The following ATP8A1 variants were observed in gnomAD, a reference collection of about 807,000 sequenced individuals.
ATP8A1 encodes ATPase phospholipid transporting 8A1.
Under a neutral mutation model 177.7 loss-of-function variants are expected in ATP8A1, and 90 were observed. That is an observed-to-expected ratio of 0.51 (90% CI 0.43 to 0.60). ATP8A1 has a LOEUF of 0.60. ATP8A1 is among the 20% of genes least tolerant of loss of function. The pLI, the probability that ATP8A1 is intolerant of heterozygous loss-of-function variation, is 0.00. For synonymous variants in ATP8A1, 493 were observed against 485.9 expected (o/e 1.01, Z -0.19); for missense variants, 1,072 against 1,392.8 (o/e 0.77, Z 3.67).
intron 1 of ATP8A1, among the ~76,000 whole-genome samples, chr4:42,631,813 C>T (rs1326673573): frequency 6.6e-6 from 1 of 152,180 alleles, no homozygotes; most frequent in Non-Finnish European, 1.5e-5. Context: ...TTGCAGGTGA[C>T]TTTGCTCCTG....
chr4:42,571,719 T>A (rs1231195612), intron 14 of ATP8A1, among the ~76,000 whole-genome samples: 1 of 152,196 alleles, frequency 6.6e-6, no homozygotes, highest in Non-Finnish European at 1.5e-5. Flanking sequence ...TACATTTTAC[T>A]GTAATTGTCC....
Position 42,569,163 on chromosome 4 carries a change from T to C in ATP8A1, c.1338A>G (p.Glu446=), listed in dbSNP as rs1182746422. The part of the protein sequence containing the change: ...EPEDYGCSPD[E]WQNSQFGDEK... ...GCAGAAAGTTCCATAGAGCTTACCA[T>C]TCATCAGGAGAGCAGCCATAATCCT... Residue 446 remains glutamate, a splice_region_variant and synonymous_variant, in exon 15 of 37, where the codon GAA becomes GAG. Coordinates refer to ENST00000381668, the MANE Select transcript of ATP8A1 (RefSeq NM_006095.2). 5.0e-6 allele frequency: 8 copies of C among 1,604,182 alleles called. No homozygotes were observed. In the Admixed American group the frequency reaches 6.8e-5, roughly 14 times the overall value.
At chr4:42,565,591 C>T (rs537651861) in intron 15 of ATP8A1, among the ~76,000 whole-genome samples, 1 of 152,300 alleles carries the variant, frequency 6.6e-6, no homozygotes, top group East Asian at 1.9e-4. Context: ...CTAGCATTTA[C>T]TTGAACGATT....
In ATP8A1 at chr4:42,412,802, TC is replaced by T. The variant is rs1712768654; in HGVS notation, c.*113del. 4 of 791,736 alleles carry T rather than the reference TC, an allele frequency of 5.1e-6. No homozygotes were observed. In the South Asian group the frequency reaches 6.6e-5, roughly 13 times the overall value. 49.0% of individuals were successfully genotyped at this position (791,736 alleles called of 1,614,324 possible). A position where few individuals can be genotyped will look rare whatever the true frequency, so the allele number is the denominator to read the frequency against. ...CTGAATGTCCATCAGCGAGATGAGC[TC>T]AGATCTACCTTTCCTCTTCATGGAC... On this transcript the variant is annotated 3_prime_UTR_variant, in exon 37 of 37. Coordinates refer to ENST00000381668, the MANE Select transcript of ATP8A1 (RefSeq NM_006095.2).
chr4:42,636,688 T>G (rs1052120769), intron 1 of ATP8A1, among the ~76,000 whole-genome samples: 23 of 152,270 alleles, frequency 1.5e-4, no homozygotes, highest in African/African-American at 4.6e-4. Context: ...GTGGACAATC[T>G]GCTCTTTCCA....
intron 15 of ATP8A1, among the ~76,000 whole-genome samples, chr4:42,564,495 T>C (rs1018078306): frequency 2.6e-5 from 4 of 152,292 alleles, no homozygotes; most frequent in African/African-American, 4.8e-5. Context: ...ATGTGAGACA[T>C]GGAATCAAAG....
intron 24 of ATP8A1, among the ~76,000 whole-genome samples, chr4:42,497,925 T>A (rs1723449720): frequency 1.4e-5 from 2 of 148,118 alleles, no homozygotes; most frequent in African/African-American, 4.8e-5. Context: ...TAGGACATTA[T>A]AAAAAAATAT....
chr4:42,564,119 G>A (rs1039170558), intron 15 of ATP8A1, among the ~76,000 whole-genome samples: 1 of 152,178 alleles, frequency 6.6e-6, no homozygotes, highest in Non-Finnish European at 1.5e-5. Flanking sequence ...GGAAAATTGA[G>A]GTTTGGAAAC....
At chr4:42,642,203 C>T (rs1740065064) in intron 1 of ATP8A1, among the ~76,000 whole-genome samples, 1 of 152,102 alleles carries the variant, frequency 6.6e-6, no homozygotes, top group Non-Finnish European at 1.5e-5. Flanking sequence ...TAACACAATG[C>T]CACAACCAGG....
chr4:42,458,877 A>T (rs187977843), intron 27 of ATP8A1, among the ~76,000 whole-genome samples: 1 of 152,342 alleles, frequency 6.6e-6, no homozygotes, highest in East Asian at 1.9e-4. Flanking sequence ...CAAACAGTCA[A>T]TGAGTCCTCT....
In ATP8A1 at chr4:42,444,085, A is replaced by G. The variant is rs181925694; in HGVS notation, c.3016-413T>C. ...GTGGCAATCTTTCCCAGGGACATGA[A>G]ACTTTAATGTCTTTTTGTTTCCGGG... On this transcript the variant is annotated intron_variant, in intron 32 of 36. Coordinates refer to ENST00000381668, the MANE Select transcript of ATP8A1 (RefSeq NM_006095.2). Among the ~76,000 whole-genome samples, 19 of 152,294 alleles carry G rather than the reference A, an allele frequency of 1.2e-4. No individual in the cohort carries two copies. The Middle Eastern group carries it at 0.01, about 82-fold the overall frequency.
chr4:42,507,273 T>G lies in ATP8A1; in HGVS notation c.1948-119A>C. The G allele has an allele frequency of 2.8e-6, 3 of 1,073,074 alleles. No homozygotes were observed. The South Asian group carries it at 4.8e-5, about 17-fold the overall frequency. 66.5% of individuals were successfully genotyped at this position (1,073,074 alleles called of 1,614,324 possible). ...CTAAATGATAATTCATGGACTTTGGTGTAAATTCCAACTATCCCATTGAGT... is the reference window on the plus strand; with the variant it reads ...CTAAATGATAATTCATGGACTTTGGGGTAAATTCCAACTATCCCATTGAGT... On this transcript the variant is annotated intron_variant, in intron 22 of 36. Transcript: ENST00000381668.
rs185998364 is a variant in ATP8A1, at chr4:42,486,819, A to T, written c.2152-1151T>A. On this transcript the variant is annotated intron_variant, in intron 24 of 36. Transcript: ENST00000381668. ...ACAGTATTCAGTACAATAACAGGCTATAAGGGCTTGTAGCCTAGGAGCAAT... is the reference window on the plus strand; with the variant it reads ...ACAGTATTCAGTACAATAACAGGCTTTAAGGGCTTGTAGCCTAGGAGCAAT... 4.8e-3 allele frequency among the ~76,000 whole-genome samples: 737 copies of T among 152,330 alleles called. 5 individuals are homozygous for T. The highest frequency in any genetic ancestry group is 0.016 in the African/African-American group (673 of 41,566).
At chr4:42,623,494 C>T (rs148403180) in intron 4 of ATP8A1, among the ~76,000 whole-genome samples, 2,772 of 152,268 alleles carry the variant, frequency 0.018, 101 homozygotes, top group East Asian at 0.13. Flanking sequence ...TACATATACA[C>T]CACGGAATAC....
At chr4:42,514,713 C>T (rs1181177200) in intron 22 of ATP8A1, among the ~76,000 whole-genome samples, 2 of 152,124 alleles carry the variant, frequency 1.3e-5, no homozygotes, top group African/African-American at 4.8e-5. Flanking sequence ...ACGTAACTTA[C>T]AGATTATTAG....
intron 11 of ATP8A1, 67 bp from the exon 12 acceptor site, chr4:42,578,454 G>T: frequency 6.4e-7 from 1 of 1,550,848 alleles, no homozygotes; most frequent in Non-Finnish European, 8.7e-7. Flanking sequence ...CCCCAAATTA[G>T]CATAATACAA....
At chr4:42,487,529 A>G (rs1452120618) in intron 24 of ATP8A1, among the ~76,000 whole-genome samples, 1 of 151,976 alleles carries the variant, frequency 6.6e-6, no homozygotes, top group Non-Finnish European at 1.5e-5. Context: ...ATACAAATAT[A>G]CATATTTATA....
chr4:42,599,444 G>T (rs1393486491), intron 6 of ATP8A1, among the ~76,000 whole-genome samples: 1 of 152,014 alleles, frequency 6.6e-6, no homozygotes, highest in Non-Finnish European at 1.5e-5. Flanking sequence ...CACAACCAAG[G>T]TATTTTCCCA....
At chr4:42,489,299 G>A (rs1014642468) in intron 24 of ATP8A1, among the ~76,000 whole-genome samples, 3 of 152,236 alleles carry the variant, frequency 2.0e-5, no homozygotes, top group South Asian at 2.1e-4. Flanking sequence ...ACTGTGAAAC[G>A]CCCTCATGAA....
Sources: gnomAD v4.1 joint callset for allele counts (sites outside exome capture counted in the v4.1 genomes callset) on GRCh38, gnomAD v4.1.1 for gene constraint, MANE v1.5 for transcripts, NCBI Gene and HGNC (gene_info 2026-07-23, HGNC 2026-07-21) for gene names.